Variants in DYSF observed in about 807,000 individuals in gnomAD.
The protein encoded by DYSF is dysferlin, also known as dystrophy-associated fer-1-like 1.
In DYSF, 212 loss-of-function variants were observed where a neutral mutation model predicts 274.9. The observed-to-expected ratio is 0.77, with a 90% CI of 0.69 to 0.86. The LOEUF (loss-of-function observed/expected upper bound fraction) is 0.86, where lower values mean the gene tolerates loss of function less well. Ranked by LOEUF, DYSF falls within the 40% of genes least tolerant of loss-of-function variation. DYSF has a pLI of 0.00. For missense variants in DYSF, 2,666 were observed against 2,783.2 expected (o/e 0.96, Z 0.95); for synonymous variants, 1,091 against 1,078.7 (o/e 1.01, Z -0.22).
intron 18 of DYSF, 86 bp downstream of exon 18, chr2:71,551,242 C>A: frequency 7.0e-7 from 1 of 1,419,802 alleles, no homozygotes; most frequent in Non-Finnish European, 9.9e-7. Context: ...GGTCTTCCAG[C>A]CCCTCCTGGG....
chr2:71,618,568 T>TGTGGGGTAGAGTTG (rs2093996474), intron 40 of DYSF, among the ~76,000 whole-genome samples: 2 of 17,592 alleles, frequency 1.1e-4, no homozygotes, highest in Non-Finnish European at 2.4e-4. Context: ...GAGTGTGTGT[T>TGTGGGGTAGAGTTG]TGTGTGGGGT....
intron 51 of DYSF, among the ~76,000 whole-genome samples, chr2:71,671,309 G>T (rs1194826115): frequency 6.6e-6 from 1 of 152,228 alleles, no homozygotes; most frequent in Admixed American, 6.5e-5. Context: ...AGCCTCATTT[G>T]CTGCTGTTCA....
chr2:71,526,314 T>G lies in DYSF; in HGVS notation c.1244T>G (p.Leu415Arg). Residue 415 changes from leucine (L) to arginine (R), a missense_variant, in exon 13 of 56, where the codon CTG (leucine) becomes CGG (arginine). Leu to Arg is a moderately radical substitution (Grantham distance 102, BLOSUM62 -2). Coordinates refer to ENST00000410020, the MANE Select transcript of DYSF (RefSeq NM_001130987.2). Reference sequence around the variant, plus strand: ...GCCCTGCGAGGAGCCCACTTCTGCCTGAAGGTCTTCCGGGCCGAGGACTTG... The same window carrying G: ...GCCCTGCGAGGAGCCCACTTCTGCCGGAAGGTCTTCCGGGCCGAGGACTTG... ...GVALRGAHFC[L>R]KVFRAEDLPQ... 6.2e-7 allele frequency: 1 copy of G among 1,613,540 alleles called. No homozygotes were observed. The highest frequency in any genetic ancestry group is 8.5e-7 in the Non-Finnish European group (1 of 1,179,956).
At chr2:71,559,218 C>A (rs1205854856) in intron 22 of DYSF, among the ~76,000 whole-genome samples, 1 of 152,230 alleles carries the variant, frequency 6.6e-6, no homozygotes, top group African/African-American at 2.4e-5. Flanking sequence ...CCCACCAGCA[C>A]CTCCGTGCTG....
At chr2:71,561,071 C>T (rs2091720965) in intron 22 of DYSF, among the ~76,000 whole-genome samples, 1 of 152,150 alleles carries the variant, frequency 6.6e-6, no homozygotes, top group Non-Finnish European at 1.5e-5. Context: ...AGTTCTTTGC[C>T]TCTAAACAGG....
chr2:71,600,189 G>A (rs995711687), intron 33 of DYSF, among the ~76,000 whole-genome samples: 1 of 152,228 alleles, frequency 6.6e-6, no homozygotes. Context: ...TAAGGAAAGT[G>A]CCTGAAGAAA....
At chr2:71,592,996 G>C (rs1320727446) in intron 32 of DYSF, among the ~76,000 whole-genome samples, 1 of 152,144 alleles carries the variant, frequency 6.6e-6, no homozygotes, top group Non-Finnish European at 1.5e-5. Context: ...TTGAGTGTAT[G>C]GCTGGGATAT....
chr2:71,625,133 T>G (rs1479905866), intron 41 of DYSF, among the ~76,000 whole-genome samples: 1 of 138,892 alleles, frequency 7.2e-6, no homozygotes. Context: ...TATAATAGAT[T>G]AGTTTCTTTA....
rs2092209713 is a variant in DYSF, at chr2:71,568,032, A to G, written c.2647A>G (p.Lys883Glu). ...KLWFGLSVDE[K>E]EFNQFAEGKL... ...GTGGTTTGGGCTCTCAGTGGATGAG[A>G]AGGAGTTCAACCAGTTTGCTGAGGG... is the stretch of plus-strand genomic sequence containing the variant. The change falls in exon 25 of 56, where the codon AAG (lysine) becomes GAG (glutamate). Residue 883 changes from lysine (K) to glutamate (E), a missense_variant. By Grantham distance (56) the Lys-to-Glu change is moderately conservative (BLOSUM62 1). This residue lies in a region of DYSF where 412 missense variants were observed against 504.0 expected (regional missense o/e 0.82). Coordinates refer to ENST00000410020, the MANE Select transcript of DYSF (RefSeq NM_001130987.2). 6.2e-7 allele frequency: 1 copy of G among 1,614,102 alleles called. No individual in the cohort carries two copies. Among genetic ancestry groups the G allele is most frequent in the African/African-American group, 1.3e-5 (1 of 75,026 alleles).
intron 48 of DYSF, among the ~76,000 whole-genome samples, chr2:71,667,762 C>T (rs1260544449): frequency 2.0e-5 from 3 of 152,214 alleles, no homozygotes; most frequent in Non-Finnish European, 4.4e-5. Flanking sequence ...CCCCTCACCC[C>T]TGTAGGCCTG....
chr2:71,562,010 G>C lies in DYSF; in HGVS notation c.2409+66G>C, dbSNP rs2091808513. 3 of 1,564,474 alleles carry C rather than the reference G, an allele frequency of 1.9e-6. No homozygotes were observed. In the South Asian group the frequency reaches 3.5e-5, roughly 18 times the overall value. ...GCTGCCTGGAACATCAGAACTGGCA[G>C]GGACAAGGCGAATGTCTGGATTATT... On this transcript the variant is annotated intron_variant, in intron 23 of 55. Coordinates refer to ENST00000410020, the MANE Select transcript of DYSF (RefSeq NM_001130987.2).
At chr2:71,570,934 C>T in intron 29 of DYSF, 193 bp downstream of exon 29, 1 of 740,122 alleles carries the variant, frequency 1.4e-6, no homozygotes, top group Admixed American at 2.7e-5. Flanking sequence ...ACACAGATCA[C>T]ACCCAGCATA....
intron 24 of DYSF, among the ~76,000 whole-genome samples, chr2:71,564,606 G>A (rs539767575): frequency 6.6e-6 from 1 of 152,280 alleles, no homozygotes; most frequent in Non-Finnish European, 1.5e-5. Context: ...ACACCAACCC[G>A]AGTGCCCTGG....
chr2:71,562,303 T>C (rs2091828534), intron 23 of DYSF, among the ~76,000 whole-genome samples: 1 of 152,180 alleles, frequency 6.6e-6, no homozygotes, highest in Non-Finnish European at 1.5e-5. Flanking sequence ...CGACTCCTAC[T>C]TCCTGCCAGC....
chr2:71,532,877 T>TATCTATCA (rs1553535251), intron 14 of DYSF, among the ~76,000 whole-genome samples: 1 of 150,336 alleles, frequency 6.7e-6, no homozygotes, highest in Non-Finnish European at 1.5e-5. Context: ...TCTATCTATC[T>TATCTATCA]ATCATGAAAA....
Position 71,568,054 on chromosome 2 carries a change from A to C in DYSF, c.2669A>C (p.Glu890Ala). Reference protein sequence around the residue: ...VDEKEFNQFAEGKLSVFAETY... With the variant: ...VDEKEFNQFAAGKLSVFAETY... Reference sequence around the variant, plus strand: ...GAGAAGGAGTTCAACCAGTTTGCTGAGGGGAAGCTGTCTGTCTTTGCTGAA... The same window carrying C: ...GAGAAGGAGTTCAACCAGTTTGCTGCGGGGAAGCTGTCTGTCTTTGCTGAA... The change falls in exon 25 of 56, where the codon GAG (glutamate) becomes GCG (alanine). Residue 890 changes from glutamate to alanine, a missense_variant. Transcript: ENST00000410020. 8 of 1,614,140 alleles carry C rather than the reference A, an allele frequency of 5.0e-6. No individual in the cohort carries two copies. The highest frequency in any genetic ancestry group is 2.2e-5 in the South Asian group (2 of 91,076).
chr2:71,640,794 A>T (rs1424442053), intron 41 of DYSF, among the ~76,000 whole-genome samples: 2 of 152,096 alleles, frequency 1.3e-5, no homozygotes, highest in Non-Finnish European at 2.9e-5. Flanking sequence ...TTTGCTTCAT[A>T]AAACGAATGT....
rs756910550 is a variant in DYSF at position 71,480,890 on chromosome 2, G to A, written c.99G>A (p.Lys33=). The change falls in exon 2 of 56, where the codon AAG becomes AAA. Residue 33 remains lysine, a synonymous_variant. Coordinates refer to ENST00000410020, the MANE Select transcript of DYSF (RefSeq NM_001130987.2). ...CTTTTGTGTCTCTTGTAGGGGTGAA[G>A]AAGAGAACCAAAGTCATCAAGAACA... is the stretch of plus-strand genomic sequence containing the variant. ...PVASLTFRGV[K]KRTKVIKNSV... 6.2e-7 allele frequency: 1 copy of A among 1,614,094 alleles called. No homozygotes were observed.
chr2:71,526,415 C>CTGGGGG, intron 13 of DYSF, 69 bp downstream of exon 13: 2 of 411,242 alleles, frequency 4.9e-6, no homozygotes, highest in East Asian at 8.3e-5. Flanking sequence ...TGGGGGTGGG[C>CTGGGGG]GATGGCGGGC....
Sources: gnomAD v4.1 joint callset for allele counts (sites outside exome capture counted in the v4.1 genomes callset) on GRCh38, gnomAD v4.1.1 for gene constraint, gnomAD v4.1.1 regional missense constraint, MANE v1.5 for transcripts, NCBI Gene and HGNC (gene_info 2026-07-23, HGNC 2026-07-21) for gene names.